Variants in ITGA9 observed in about 807,000 individuals in gnomAD.
The protein encoded by ITGA9 is integrin subunit alpha 9.
In ITGA9, 56 loss-of-function variants were observed where a neutral mutation model predicts 127.8. The ratio of observed to expected loss-of-function variants is 0.44; its 90% CI spans 0.35 to 0.55. The LOEUF is 0.55. Among genes scored for constraint, ITGA9 ranks in the 20% least tolerant of loss-of-function variants. The probability of loss-of-function intolerance (pLI) is 0.00; values close to 1 mark genes in which losing one functional copy is unlikely to be tolerated. For synonymous variants in ITGA9, 508 were observed against 514.5 expected (o/e 0.99, Z 0.17); for missense variants, 1,196 against 1,347.1 (o/e 0.89, Z 1.76).
chr3:37,548,710 C>A (rs1699351194), intron 15 of ITGA9, among the ~76,000 whole-genome samples: 1 of 152,160 alleles, frequency 6.6e-6, no homozygotes, highest in African/African-American at 2.4e-5. Context: ...TGGCTGAGGA[C>A]CCCTGAGAGG....
intron 15 of ITGA9, among the ~76,000 whole-genome samples, chr3:37,552,979 C>T (rs1699393168): frequency 1.3e-5 from 2 of 148,512 alleles, no homozygotes; most frequent in African/African-American, 5.0e-5. Flanking sequence ...TGTGCCACTG[C>T]ACTCCAGCCT....
chr3:37,666,313 C>G (rs1037249486), intron 17 of ITGA9, among the ~76,000 whole-genome samples: 2 of 152,206 alleles, frequency 1.3e-5, no homozygotes, highest in African/African-American at 4.8e-5. Context: ...CACAGGGAAG[C>G]CTGCGGTGAG....
At chr3:37,719,039 C>G (rs903127273) in intron 18 of ITGA9, among the ~76,000 whole-genome samples, 4 of 152,172 alleles carry the variant, frequency 2.6e-5, no homozygotes, top group Non-Finnish European at 5.9e-5. Context: ...TTGTTAACAA[C>G]CTTTGAAGGC....
Position 37,696,068 on chromosome 3 carries a change from A to G in ITGA9, c.2067+12053A>G, listed in dbSNP as rs145675057. On this transcript the variant is annotated intron_variant, in intron 18 of 27. Transcript: ENST00000264741. ...AAGGGCAAAAGGTCTGCCTCCTTTT[A>G]AAGAGCTTTCCTAAAGCTCCACTTG... Among the ~76,000 whole-genome samples, 986 of 152,340 alleles carry G rather than the reference A, an allele frequency of 6.5e-3. 3 individuals carry two copies. The highest frequency in any genetic ancestry group is 0.015 in the Admixed American group (234 of 15,306).
chr3:37,726,775 A>G (rs1190628084), intron 18 of ITGA9, among the ~76,000 whole-genome samples: 1 of 152,202 alleles, frequency 6.6e-6, no homozygotes, highest in Non-Finnish European at 1.5e-5. Context: ...AGGAGCTACT[A>G]AGTGCCAGGC....
chr3:37,508,649 A>T (rs1175772004), intron 8 of ITGA9, 22 bp downstream of exon 8: 34 of 1,594,320 alleles, frequency 2.1e-5, no homozygotes, highest in Non-Finnish European at 2.9e-5. Flanking sequence ...GGTATAAGTG[A>T]CTATTTTTTA....
intron 18 of ITGA9, among the ~76,000 whole-genome samples, chr3:37,688,270 G>A (rs1199619144): frequency 1.3e-5 from 2 of 152,150 alleles, no homozygotes; most frequent in African/African-American, 2.4e-5. Context: ...GTAACCATGA[G>A]AGCTTCCTGA....
Position 37,503,273 on chromosome 3 carries a change from C to T in ITGA9, c.708C>T (p.Asp236=), listed in dbSNP as rs751118579. The T allele has an allele frequency of 1.6e-5, 26 of 1,613,856 alleles. No individual in the cohort carries two copies. Among genetic ancestry groups the T allele is most frequent in the East Asian group, 2.2e-5 (1 of 44,890 alleles). ...ACAACACCTATTTAAAACTGAACGA[C>T]GAAGTGATCATGAACAGGCGGTACA... ...LTDNTYLKLN[D]EVIMNRRYTY... is the part of the protein sequence containing the mutation. The change falls in exon 6 of 28, where the codon GAC becomes GAT. Residue 236 remains aspartate (D), a synonymous_variant. Coordinates refer to ENST00000264741, the MANE Select transcript of ITGA9 (RefSeq NM_002207.3).
At chr3:37,680,758 A>C (rs1700727172) in intron 17 of ITGA9, among the ~76,000 whole-genome samples, 1 of 152,250 alleles carries the variant, frequency 6.6e-6, no homozygotes, top group South Asian at 2.1e-4. Flanking sequence ...GCACTCTCTC[A>C]TAACTCAAGC....
At chr3:37,601,361 G>A (rs1699920851) in intron 15 of ITGA9, among the ~76,000 whole-genome samples, 1 of 152,206 alleles carries the variant, frequency 6.6e-6, no homozygotes, top group African/African-American at 2.4e-5. Context: ...AGCTCCTTCA[G>A]CTGCAAAGAA....
intron 18 of ITGA9, among the ~76,000 whole-genome samples, chr3:37,723,792 C>A (rs976120147): frequency 6.6e-6 from 1 of 152,194 alleles, no homozygotes; most frequent in Non-Finnish European, 1.5e-5. Context: ...TATAGGGCAG[C>A]GGTCAGTGAA....
At chr3:37,739,817 G>GT (rs1317362682) in intron 20 of ITGA9, among the ~76,000 whole-genome samples, 15 of 152,310 alleles carry the variant, frequency 9.8e-5, no homozygotes, top group Non-Finnish European at 1.8e-4. Flanking sequence ...GGATGCTGGG[G>GT]TGGGGGCGGG....
chr3:37,684,619 G>A (rs572734954), intron 18 of ITGA9, among the ~76,000 whole-genome samples: 2 of 152,274 alleles, frequency 1.3e-5, no homozygotes, highest in Admixed American at 6.5e-5. Context: ...GGGACTACAG[G>A]TGTGCACCTG....
chr3:37,699,565 C>T (rs1478767331), intron 18 of ITGA9, among the ~76,000 whole-genome samples: 2 of 152,222 alleles, frequency 1.3e-5, no homozygotes, highest in African/African-American at 2.4e-5. Flanking sequence ...TGGCAATAGC[C>T]TTCTTCATAA....
chr3:37,812,630 G>C (rs1697382059), intron 27 of ITGA9, among the ~76,000 whole-genome samples: 1 of 152,236 alleles, frequency 6.6e-6, no homozygotes, highest in South Asian at 2.1e-4. Context: ...GAGGGTTCAG[G>C]GAGCTGCTCT....
chr3:37,521,941 T>G (rs574420187), intron 11 of ITGA9, among the ~76,000 whole-genome samples: 1 of 152,262 alleles, frequency 6.6e-6, no homozygotes, highest in Admixed American at 6.5e-5. Context: ...GTTGGATGGC[T>G]TAACGGAGGA....
rs1254707509 is a variant in ITGA9, at chr3:37,799,821, G to A, written c.2890-4002G>A. ...AAAAGTTGTTTAGAAAGGTGTAGGGGCTTAACCAAGGATCACCCAGCTCAT... is the reference window on the plus strand; with the variant it reads ...AAAAGTTGTTTAGAAAGGTGTAGGGACTTAACCAAGGATCACCCAGCTCAT... On this transcript the variant is annotated intron_variant, in intron 26 of 27. Coordinates refer to ENST00000264741, the MANE Select transcript of ITGA9 (RefSeq NM_002207.3). The surrounding 1 kb of genome is among the most constrained non-coding windows in gnomAD (Gnocchi z 4.0). Among the ~76,000 whole-genome samples the A allele has an allele frequency of 6.6e-6, 1 of 152,150 alleles. No individual in the cohort carries two copies. The highest frequency in any genetic ancestry group is 2.4e-5 in the African/African-American group (1 of 41,422).
At chr3:37,714,715 A>G (rs1468033826) in intron 18 of ITGA9, among the ~76,000 whole-genome samples, 2 of 152,246 alleles carry the variant, frequency 1.3e-5, no homozygotes, top group Non-Finnish European at 2.9e-5. Flanking sequence ...GCTCCTCCCC[A>G]GACCTATTGA....
rs529519473 is a variant in ITGA9 at position 37,561,789 on chromosome 3, G to C, written c.1689+19204G>C. Among the ~76,000 whole-genome samples the C allele has an allele frequency of 3.3e-5, 5 of 152,210 alleles. 1 individual carries two copies. The highest frequency in any genetic ancestry group is 1.2e-4 in the African/African-American group (5 of 41,532). ...TTTTATGACACTGTAACAATTACTGGGGTCATGCCTGGAGAGGTGGCCCAC... is the reference window on the plus strand; with the variant it reads ...TTTTATGACACTGTAACAATTACTGCGGTCATGCCTGGAGAGGTGGCCCAC... On this transcript the variant is annotated intron_variant, in intron 15 of 27. Transcript: ENST00000264741.
Sources: allele counts gnomAD v4.1 joint callset (sites outside exome capture counted in the v4.1 genomes callset), GRCh38; gene constraint gnomAD v4.1.1; non-coding constraint Gnocchi (gnomAD v3.1); transcripts MANE v1.5; gene names NCBI Gene and HGNC (gene_info 2026-07-23, HGNC 2026-07-21).